Variants in PIBF1 observed in about 807,000 individuals in gnomAD.
PIBF1 encodes the protein progesterone-induced-blocking factor 1.
In PIBF1, 90 loss-of-function variants were observed where a neutral mutation model predicts 112.5. That is an observed-to-expected ratio of 0.80 (90% CI 0.67 to 0.95). PIBF1 has a LOEUF of 0.95. Among genes scored for constraint, PIBF1 ranks in the 40% least tolerant of loss-of-function variants. The pLI is 0.00. For synonymous variants in PIBF1, 301 were observed against 288.6 expected (o/e 1.04, Z -0.44); for missense variants, 915 against 852.3 (o/e 1.07, Z -0.92).
intron 10 of PIBF1, among the ~76,000 whole-genome samples, chr13:72,882,682 A>T (rs180917172): frequency 2.6e-5 from 4 of 152,334 alleles, no homozygotes; most frequent in Admixed American, 2.6e-4. Flanking sequence ...CAGGGTTATG[A>T]AAAGGTGCTC....
rs35021064 is a variant in PIBF1, at chr13:73,014,928, G to A, written c.2224-941G>A. On this transcript the variant is annotated intron_variant, in intron 17 of 17. Transcript: ENST00000326291. ...GCCTCCCGAGTAGCTTGGATTACAG[G>A]TGTGCACTACCATGCCTGGCTAATT... Among the ~76,000 whole-genome samples, 1,174 of 152,288 alleles carry A rather than the reference G, an allele frequency of 7.7e-3. 7 individuals are homozygous for A. Among genetic ancestry groups the A allele is most frequent in the Non-Finnish European group, 0.013 (893 of 68,036 alleles).
chr13:72,811,779 T>G (rs997844281), intron 5 of PIBF1, among the ~76,000 whole-genome samples: 4 of 152,088 alleles, frequency 2.6e-5, no homozygotes, highest in South Asian at 2.1e-4. Flanking sequence ...TCTAAAAAAT[T>G]GCTCCTTCAC....
At chr13:72,899,925 A>T (rs1181556841) in intron 11 of PIBF1, among the ~76,000 whole-genome samples, 1 of 152,218 alleles carries the variant, frequency 6.6e-6, no homozygotes, top group Non-Finnish European at 1.5e-5. Context: ...TACAAGATTG[A>T]TGTACACAAA....
In PIBF1 at chr13:72,914,785, G is replaced by A. The variant is rs1163184920; in HGVS notation, c.1640-2291G>A. Among the ~76,000 whole-genome samples the A allele has an allele frequency of 2.6e-5, 4 of 152,254 alleles. No individual in the cohort carries two copies. In the East Asian group the frequency reaches 7.7e-4, roughly 29 times the overall value. On this transcript the variant is annotated intron_variant, in intron 12 of 17. Coordinates refer to ENST00000326291, the MANE Select transcript of PIBF1 (RefSeq NM_006346.4). ...TGTAGAGACACGGTCTCACTATGTTGCCTAGAGTGATCTCAAACTCCTGGC... is the reference window on the plus strand; with the variant it reads ...TGTAGAGACACGGTCTCACTATGTTACCTAGAGTGATCTCAAACTCCTGGC...
chr13:72,859,953 C>T (rs7321987), intron 10 of PIBF1, among the ~76,000 whole-genome samples: 15,750 of 152,120 alleles, frequency 0.1, 2,324 homozygotes, highest in African/African-American at 0.33. Context: ...TATGAAAAAG[C>T]TGGATTTCTT....
At chr13:72,916,322 G>A (rs1333499911) in intron 12 of PIBF1, among the ~76,000 whole-genome samples, 2 of 151,706 alleles carry the variant, frequency 1.3e-5, no homozygotes, top group South Asian at 2.1e-4. Context: ...AACCTGGGAG[G>A]CAGAGGTCGC....
intron 8 of PIBF1, among the ~76,000 whole-genome samples, chr13:72,830,903 G>A: frequency 6.6e-6 from 1 of 152,074 alleles, no homozygotes; most frequent in Non-Finnish European, 1.5e-5. Context: ...TCTCATCCTG[G>A]ATTTTTTTTT....
chr13:72,969,212 A>G (rs2042828657), intron 15 of PIBF1, among the ~76,000 whole-genome samples: 1 of 152,158 alleles, frequency 6.6e-6, no homozygotes, highest in East Asian at 1.9e-4. Flanking sequence ...CATGTAACAA[A>G]TTTTTGGTTG....
At chr13:72,971,292 A>G (rs962083845) in intron 15 of PIBF1, among the ~76,000 whole-genome samples, 3 of 152,242 alleles carry the variant, frequency 2.0e-5, no homozygotes, top group Non-Finnish European at 4.4e-5. Context: ...GAACATAGAC[A>G]CATACATGTT....
intron 5 of PIBF1, among the ~76,000 whole-genome samples, chr13:72,808,032 T>C (rs544172932): frequency 9.2e-5 from 14 of 152,380 alleles, no homozygotes; most frequent in Admixed American, 8.5e-4. Context: ...TACTGAGTGG[T>C]ATTACATTGA....
intron 16 of PIBF1, among the ~76,000 whole-genome samples, chr13:72,975,709 T>C (rs978594278): frequency 2.0e-5 from 3 of 152,210 alleles, no homozygotes; most frequent in African/African-American, 7.2e-5. Context: ...TCTCTGAAGA[T>C]ATTTATTCTT....
At chr13:72,881,643 G>A (rs1213333820) in intron 10 of PIBF1, among the ~76,000 whole-genome samples, 1 of 151,464 alleles carries the variant, frequency 6.6e-6, no homozygotes, top group Non-Finnish European at 1.5e-5. Context: ...TTGAACCCAT[G>A]AGGTGGAGGT....
At chr13:72,818,419 C>T (rs1327680233) in intron 5 of PIBF1, among the ~76,000 whole-genome samples, 4 of 152,134 alleles carry the variant, frequency 2.6e-5, no homozygotes, top group African/African-American at 9.7e-5. Flanking sequence ...GATCTCATCT[C>T]TAGTGATTGC....
chr13:72,872,376 A>G (rs1281704173), intron 10 of PIBF1, among the ~76,000 whole-genome samples: 2 of 152,214 alleles, frequency 1.3e-5, no homozygotes, highest in East Asian at 3.9e-4. Flanking sequence ...AATGAAGGCT[A>G]TAATTTTGAT....
At chr13:72,847,403 G>A (rs1039633339) in intron 9 of PIBF1, among the ~76,000 whole-genome samples, 1 of 152,104 alleles carries the variant, frequency 6.6e-6, no homozygotes, top group African/African-American at 2.4e-5. Flanking sequence ...CTGGCATCTG[G>A]CAAGAGCCTT....
chr13:72,964,807 A>C lies in PIBF1; in HGVS notation c.1834-467A>C, dbSNP rs115527018. The stretch of plus-strand genomic sequence containing the variant: ...GCCAGGCGAGGTGGCTCACACCCGT[A>C]GTCCCCGCACTTTGGGAGGCTGAGG... On this transcript the variant is annotated intron_variant, in intron 14 of 17. Coordinates refer to ENST00000326291, the MANE Select transcript of PIBF1 (RefSeq NM_006346.4). 6.4e-3 allele frequency among the ~76,000 whole-genome samples: 973 copies of C among 152,334 alleles called. 13 individuals carry two copies. The highest frequency in any genetic ancestry group is 0.022 in the African/African-American group (903 of 41,576).
At chr13:72,987,911 G>T in intron 16 of PIBF1, among the ~76,000 whole-genome samples, 1 of 130,494 alleles carries the variant, frequency 7.7e-6, no homozygotes, top group African/African-American at 3.1e-5. Flanking sequence ...TCGCCAGACT[G>T]GAGTGCAGTG....
intron 14 of PIBF1, among the ~76,000 whole-genome samples, chr13:72,947,128 C>G (rs1245583801): frequency 6.6e-6 from 1 of 152,248 alleles, no homozygotes; most frequent in African/African-American, 2.4e-5. Context: ...CATACATCCT[C>G]TGAAATCTAG....
At chr13:72,896,693 A>G (rs1324886181) in intron 11 of PIBF1, among the ~76,000 whole-genome samples, 1 of 152,212 alleles carries the variant, frequency 6.6e-6, no homozygotes, top group African/African-American at 2.4e-5. Flanking sequence ...AGTAGAAGAA[A>G]GAAACTCAGA....
Sources: gnomAD v4.1 joint callset for allele counts (sites outside exome capture counted in the v4.1 genomes callset) on GRCh38, gnomAD v4.1.1 for gene constraint, MANE v1.5 for transcripts, NCBI Gene and HGNC (gene_info 2026-07-23, HGNC 2026-07-21) for gene names.